The following GABRG3 variants were observed in gnomAD, a reference collection of about 807,000 sequenced individuals.
The protein encoded by GABRG3 is gamma-aminobutyric acid type A receptor subunit gamma3.
Under a neutral mutation model 48.8 loss-of-function variants are expected in GABRG3, and 25 were observed. The ratio of observed to expected loss-of-function variants is 0.51; its 90% CI spans 0.37 to 0.72. The LOEUF (loss-of-function observed/expected upper bound fraction) is 0.72. Among genes scored for constraint, GABRG3 ranks in the 30% least tolerant of loss-of-function variants. The pLI is 0.00. For missense variants in GABRG3, 394 were observed against 577.9 expected, an observed-to-expected ratio of 0.68 and a Z score of 3.26; for synonymous variants, 227 against 217.6, an observed-to-expected ratio of 1.04 and a Z score of -0.38.
chr15:27,348,675 C>T (rs912486305), intron 5 of GABRG3, among the ~76,000 whole-genome samples: 1 of 152,060 alleles, frequency 6.6e-6, no homozygotes, highest in Non-Finnish European at 1.5e-5. Flanking sequence ...ATAATGCAAG[C>T]CATGACAAGG....
At chr15:27,202,601 C>T (rs1888720080) in intron 3 of GABRG3, among the ~76,000 whole-genome samples, 1 of 152,098 alleles carries the variant, frequency 6.6e-6, no homozygotes, top group South Asian at 2.1e-4. Flanking sequence ...TAAGATGTTC[C>T]AGTTTTATCA....
chr15:27,085,006 A>G (rs1464275492), intron 3 of GABRG3, among the ~76,000 whole-genome samples: 2 of 152,254 alleles, frequency 1.3e-5, no homozygotes, highest in African/African-American at 4.8e-5. Flanking sequence ...GATCTTAGCA[A>G]TTCATAGAAG....
chr15:27,073,680 T>C (rs1896862369), intron 3 of GABRG3, among the ~76,000 whole-genome samples: 1 of 152,234 alleles, frequency 6.6e-6, no homozygotes, highest in Non-Finnish European at 1.5e-5. Context: ...TTTAATAATG[T>C]CTCCACAAGC....
At chr15:27,170,421 A>G (rs1394721318) in intron 3 of GABRG3, among the ~76,000 whole-genome samples, 2 of 152,174 alleles carry the variant, frequency 1.3e-5, no homozygotes, top group Non-Finnish European at 2.9e-5. Flanking sequence ...TATATATATT[A>G]TGAACCCTAG....
At chr15:27,320,996 G>T (rs576574999) in intron 3 of GABRG3, among the ~76,000 whole-genome samples, 1 of 152,258 alleles carries the variant, frequency 6.6e-6, no homozygotes, top group African/African-American at 2.4e-5. Flanking sequence ...TGCTTCCCCG[G>T]GCCTGTCACT....
intron 5 of GABRG3, among the ~76,000 whole-genome samples, chr15:27,464,886 A>G (rs1157391381): frequency 1.3e-5 from 2 of 152,000 alleles, no homozygotes; most frequent in African/African-American, 4.8e-5. Flanking sequence ...ATTTGGAAAT[A>G]TTTTCTCTCA....
intron 3 of GABRG3, among the ~76,000 whole-genome samples, chr15:27,175,746 G>A (rs568395965): frequency 6.6e-6 from 1 of 152,312 alleles, no homozygotes; most frequent in South Asian, 2.1e-4. Flanking sequence ...GCAGATGCCT[G>A]CATTCTTTTC....
intron 3 of GABRG3, among the ~76,000 whole-genome samples, chr15:27,034,088 C>A (rs541480037): frequency 5.7e-4 from 87 of 152,334 alleles, no homozygotes; most frequent in African/African-American, 1.8e-3. Context: ...GGGATACCAT[C>A]TAACTCACCA....
chr15:27,041,927 C>A (rs1260631529), intron 3 of GABRG3, among the ~76,000 whole-genome samples: 1 of 152,280 alleles, frequency 6.6e-6, no homozygotes. Flanking sequence ...GGGATGAGAC[C>A]TCTGAGAGGT....
intron 3 of GABRG3, among the ~76,000 whole-genome samples, chr15:27,134,432 C>T (rs1462191625): frequency 6.6e-6 from 1 of 152,112 alleles, no homozygotes; most frequent in Non-Finnish European, 1.5e-5. Context: ...TAGAAACACC[C>T]TCCTGTTCAA....
At chr15:27,209,397 CT>C (rs561353536) in intron 3 of GABRG3, among the ~76,000 whole-genome samples, 12 of 146,588 alleles carry the variant, frequency 8.2e-5, no homozygotes, top group Admixed American at 2.1e-4. Flanking sequence ...TCTTTCTTTT[CT>C]TTTTTTTTTG....
In GABRG3 at chr15:27,316,387, C is replaced by CAAA. The variant is rs749930128; in HGVS notation, c.271-10402_271-10400dup. 8.3e-3 allele frequency among the ~76,000 whole-genome samples: 343 copies of CAAA among 41,166 alleles called. 9 individuals carry two copies. Among genetic ancestry groups the CAAA allele is most frequent in the African/African-American group, 0.026 (314 of 12,312 alleles). The allele number at this position is 41,166 out of a possible 152,430, so 27.0% of individuals were successfully genotyped here. On this transcript the variant is annotated intron_variant, in intron 3 of 9. Coordinates refer to ENST00000615808, the MANE Select transcript of GABRG3 (RefSeq NM_033223.5). ...TGGGCGACAGAGCGAGACTCCGTCT[C>CAAA]AAAAAAAAAAAAAAAAAAAAAAGCA...
chr15:27,396,657 G>A (rs1459199806), intron 5 of GABRG3, among the ~76,000 whole-genome samples: 1 of 152,172 alleles, frequency 6.6e-6, no homozygotes, highest in Non-Finnish European at 1.5e-5. Flanking sequence ...GGAAACTCAT[G>A]TCTCACACAC....
intron 3 of GABRG3, among the ~76,000 whole-genome samples, chr15:27,220,488 T>C (rs372596432): frequency 6.6e-6 from 1 of 152,168 alleles, no homozygotes; most frequent in South Asian, 2.1e-4. Context: ...CGTGACCTTC[T>C]TTAGGCTCCT....
At chr15:27,089,806 T>C (rs1332596955) in intron 3 of GABRG3, among the ~76,000 whole-genome samples, 2 of 152,248 alleles carry the variant, frequency 1.3e-5, no homozygotes, top group Admixed American at 6.5e-5. Context: ...GTGGCCTCCC[T>C]CTTGTGACTG....
chr15:27,115,787 CT>C (rs1897631130), intron 3 of GABRG3, among the ~76,000 whole-genome samples: 3 of 152,160 alleles, frequency 2.0e-5, no homozygotes, highest in Admixed American at 2.0e-4. Flanking sequence ...CAGAGTAAAA[CT>C]TTCAAAATTT....
chr15:27,029,522 A>G (rs1412309806), intron 3 of GABRG3, among the ~76,000 whole-genome samples: 1 of 151,964 alleles, frequency 6.6e-6, no homozygotes, highest in African/African-American at 2.4e-5. Context: ...CACATGCATC[A>G]CACGCACACA....
At chr15:27,525,622 T>C (rs1387916675) in intron 7 of GABRG3, among the ~76,000 whole-genome samples, 5 of 152,250 alleles carry the variant, frequency 3.3e-5, no homozygotes, top group Non-Finnish European at 4.4e-5. Context: ...TCTATGGAAA[T>C]TACAGACACA....
chr15:27,278,302 G>A (rs564476687), intron 3 of GABRG3, among the ~76,000 whole-genome samples: 1 of 151,922 alleles, frequency 6.6e-6, no homozygotes, highest in South Asian at 2.1e-4. Flanking sequence ...CGCCCGCCTC[G>A]GCCTCCCCAA....
Sources: gnomAD v4.1 joint callset for allele counts (sites outside exome capture counted in the v4.1 genomes callset) on GRCh38, gnomAD v4.1.1 for gene constraint, MANE v1.5 for transcripts, NCBI Gene and HGNC (gene_info 2026-07-23, HGNC 2026-07-21) for gene names.